Variants in UGGT2 observed in about 807,000 individuals in gnomAD.
UGGT2 encodes UDP-glucose:glycoprotein glucosyltransferase 2.
A neutral mutation model predicts 192.1 loss-of-function variants in UGGT2; 180 were observed. The ratio of observed to expected loss-of-function variants is 0.94; its 90% CI spans 0.83 to 1.06. The LOEUF (loss-of-function observed/expected upper bound fraction) is 1.06, where lower values mean the gene tolerates loss of function less well. UGGT2 is among the 50% of genes least tolerant of loss of function. The pLI, the probability that UGGT2 is intolerant of heterozygous loss-of-function variation, is 0.00. For missense variants in UGGT2, 1,849 were observed against 1,795.7 expected, an observed-to-expected ratio of 1.03 and a Z score of -0.54; for synonymous variants, 580 against 591.0, an observed-to-expected ratio of 0.98 and a Z score of 0.27.
intron 26 of UGGT2, among the ~76,000 whole-genome samples, chr13:95,885,558 T>C (rs953505995): frequency 5.9e-5 from 9 of 152,312 alleles, no homozygotes; most frequent in African/African-American, 1.9e-4. Context: ...GGAAATTCCA[T>C]CACTTTAGCC....
chr13:95,916,327 C>T (rs908166179), intron 20 of UGGT2, among the ~76,000 whole-genome samples: 1 of 152,044 alleles, frequency 6.6e-6, no homozygotes, highest in Non-Finnish European at 1.5e-5. Flanking sequence ...GCAGCTTGAC[C>T]GTTAAAAACA....
chr13:95,880,146 G>A (rs995636213), intron 27 of UGGT2, among the ~76,000 whole-genome samples: 1 of 152,098 alleles, frequency 6.6e-6, no homozygotes, highest in African/African-American at 2.4e-5. Context: ...CTGTTCTTCT[G>A]TGGCTGAATA....
chr13:95,997,185 A>C (rs1485656078), intron 6 of UGGT2, among the ~76,000 whole-genome samples: 1 of 152,212 alleles, frequency 6.6e-6, no homozygotes, highest in Non-Finnish European at 1.5e-5. Context: ...ACTGCTTACT[A>C]TGAGGTGTCT....
At chr13:95,881,351 TG>T (rs1266307731) in intron 27 of UGGT2, among the ~76,000 whole-genome samples, 1 of 152,194 alleles carries the variant, frequency 6.6e-6, no homozygotes, top group East Asian at 1.9e-4. Flanking sequence ...GTTAAGGTTT[TG>T]TTTAAATTTC....
intron 4 of UGGT2, among the ~76,000 whole-genome samples, chr13:96,021,199 G>C (rs983799163): frequency 2.0e-5 from 3 of 152,152 alleles, no homozygotes; most frequent in African/African-American, 7.2e-5. Context: ...GGTAAAGAGT[G>C]GTCAGGACCT....
At chr13:95,814,548 T>C (rs1212976919) in intron 38 of UGGT2, among the ~76,000 whole-genome samples, 4 of 152,206 alleles carry the variant, frequency 2.6e-5, no homozygotes, top group African/African-American at 9.7e-5. Context: ...AATAACTAAC[T>C]TGTTTTTTAT....
intron 5 of UGGT2, 106 bp downstream of exon 5, chr13:96,013,201 G>C: frequency 8.8e-7 from 1 of 1,136,440 alleles, no homozygotes; most frequent in Admixed American, 3.4e-5. Context: ...AAAAAAGTTA[G>C]ATAACTATTC....
At chr13:96,012,806 A>G (rs2052205738) in intron 5 of UGGT2, among the ~76,000 whole-genome samples, 1 of 151,994 alleles carries the variant, frequency 6.6e-6, no homozygotes, top group South Asian at 2.1e-4. Flanking sequence ...TTGAGGAGAT[A>G]CAGTAATAAG....
intron 1 of UGGT2, among the ~76,000 whole-genome samples, chr13:96,034,745 T>C (rs963730243): frequency 1.1e-4 from 17 of 152,198 alleles, no homozygotes; most frequent in Admixed American, 2.6e-4. Flanking sequence ...CACAGTCTTG[T>C]ACAAAGCTGG....
chr13:95,903,100 C>T, intron 20 of UGGT2, 40 bp from the exon 21 acceptor site: 1 of 1,559,488 alleles, frequency 6.4e-7, no homozygotes, highest in South Asian at 1.2e-5. Context: ...CAGTATCATA[C>T]ATATCATTTT....
intron 36 of UGGT2, among the ~76,000 whole-genome samples, chr13:95,852,198 G>C (rs1432218907): frequency 6.6e-6 from 1 of 151,892 alleles, no homozygotes; most frequent in East Asian, 1.9e-4. Context: ...ACATTATCTG[G>C]AGCCTCTGTT....
intron 31 of UGGT2, among the ~76,000 whole-genome samples, chr13:95,862,290 G>C (rs1274047327): frequency 6.6e-6 from 1 of 152,160 alleles, no homozygotes; most frequent in Admixed American, 6.5e-5. Context: ...ATATATTTAA[G>C]TTGTTGAATC....
chr13:95,871,090 T>C (rs1173623099), intron 29 of UGGT2, among the ~76,000 whole-genome samples: 1 of 152,114 alleles, frequency 6.6e-6, no homozygotes. Context: ...AAAAAATGAA[T>C]GTGAAAATTA....
chr13:95,884,382 A>T, intron 27 of UGGT2, 109 bp downstream of exon 27: 2 of 901,326 alleles, frequency 2.2e-6, no homozygotes. Flanking sequence ...ATAAAAAAGA[A>T]TATTCTGGTA....
chr13:95,877,416 G>T (rs774180669), intron 28 of UGGT2, 52 bp from the exon 29 acceptor site: 1 of 1,406,322 alleles, frequency 7.1e-7, no homozygotes, highest in Non-Finnish European at 9.8e-7. Flanking sequence ...AAAAACCATC[G>T]AATTGCTCAT....
chr13:95,844,023 T>C (rs1302840502), intron 36 of UGGT2, among the ~76,000 whole-genome samples: 2 of 152,146 alleles, frequency 1.3e-5, no homozygotes, highest in Admixed American at 1.3e-4. Flanking sequence ...TGCAATGGCA[T>C]GATCTCGGCT....
chr13:96,038,399 T>G (rs553519118), intron 1 of UGGT2, among the ~76,000 whole-genome samples: 1 of 152,172 alleles, frequency 6.6e-6, no homozygotes. Flanking sequence ...AATTTTGTCA[T>G]GGGAAAGTAT....
At chr13:95,828,152 C>T (rs1347855626) in intron 38 of UGGT2, among the ~76,000 whole-genome samples, 1 of 152,054 alleles carries the variant, frequency 6.6e-6, no homozygotes, top group Non-Finnish European at 1.5e-5. Flanking sequence ...ATCAGAATCT[C>T]TGGGACACAC....
chr13:95,908,614 T>C (rs1226649636), intron 20 of UGGT2, among the ~76,000 whole-genome samples: 1 of 151,104 alleles, frequency 6.6e-6, no homozygotes, highest in Non-Finnish European at 1.5e-5. Flanking sequence ...ACCTGTTGTT[T>C]CCTGACTTTT....
Sources: gnomAD v4.1 joint callset for allele counts (sites outside exome capture counted in the v4.1 genomes callset) on GRCh38, gnomAD v4.1.1 for gene constraint, MANE v1.5 for transcripts, NCBI Gene and HGNC (gene_info 2026-07-23, HGNC 2026-07-21) for gene names.